CRYBG3: variants seen among roughly 807,000 people sequenced by gnomAD.
CRYBG3 encodes crystallin beta-gamma domain containing 3, also known as very large A-kinase anchor protein.
CRYBG3 carries 127 observed loss-of-function variants against 244.2 expected under a neutral mutation model. The ratio of observed to expected loss-of-function variants is 0.52; its 90% confidence interval spans 0.45 to 0.60. The LOEUF (loss-of-function observed/expected upper bound fraction) is 0.60, where lower values mean the gene tolerates loss of function less well. Ranked by LOEUF, CRYBG3 falls within the 20% of genes least tolerant of loss-of-function variation. CRYBG3 has a pLI of 0.00. For synonymous variants in CRYBG3, 1,132 were observed against 1,195.8 expected (o/e 0.95, Z 1.10); for missense variants, 3,325 against 3,442.5 (o/e 0.97, Z 0.85).
rs759481469 is a variant in CRYBG3 at position 97,892,879 on chromosome 3, C to G, written c.7460C>G (p.Pro2487Arg). Residue 2487 changes from proline to arginine, a missense_variant, in exon 11 of 22, where the codon CCT becomes CGT. Transcript: ENST00000389622. ...MNLKVIIYEKPHFHGQAKEFS... is the reference protein window; with the variant it reads ...MNLKVIIYEKRHFHGQAKEFS... ...TTTCAGGTTATTATTTATGAAAAAC[C>G]TCACTTCCATGGACAGGCTAAAGAG... 6.7e-7 allele frequency: 1 copy of G among 1,500,728 alleles called. No individual in the cohort carries two copies. The highest frequency in any genetic ancestry group is 1.4e-5 in the African/African-American group (1 of 69,962). 93.0% of individuals were successfully genotyped at this position (1,500,728 alleles called of 1,614,324 possible). A position where few individuals can be genotyped will look rare whatever the true frequency, so the allele number is the denominator to read the frequency against.
At chr3:97,853,484 AT>A (rs1050049656) in intron 2 of CRYBG3, among the ~76,000 whole-genome samples, 2 of 151,564 alleles carry the variant, frequency 1.3e-5, no homozygotes, top group African/African-American at 2.4e-5. Context: ...CTGGTTCCAT[AT>A]TTTTGCAATT....
intron 1 of CRYBG3, among the ~76,000 whole-genome samples, chr3:97,832,399 C>T (rs1035969488): frequency 2.0e-5 from 3 of 152,032 alleles, no homozygotes; most frequent in Non-Finnish European, 4.4e-5. Context: ...GAACAGAGGC[C>T]TCATAAATAA....
intron 8 of CRYBG3, among the ~76,000 whole-genome samples, chr3:97,887,245 C>T (rs17301987): frequency 0.44 from 67,441 of 151,988 alleles, 16,182 homozygotes; most frequent in East Asian, 0.67. Context: ...TACTAGGCCT[C>T]TCTGGTTCTA....
intron 15 of CRYBG3, among the ~76,000 whole-genome samples, chr3:97,907,330 C>G (rs2039788910): frequency 6.6e-6 from 1 of 152,084 alleles, no homozygotes. Context: ...GGTACCAGTT[C>G]CTCCTTGTAC....
At chr3:97,826,483 C>A (rs1281764365) in intron 1 of CRYBG3, among the ~76,000 whole-genome samples, 2 of 152,068 alleles carry the variant, frequency 1.3e-5, no homozygotes, top group Non-Finnish European at 1.5e-5. Context: ...AAAATATTCC[C>A]TCAAGACAAA....
At chr3:97,922,187 T>C (rs1266563689) in intron 17 of CRYBG3, among the ~76,000 whole-genome samples, 1 of 152,076 alleles carries the variant, frequency 6.6e-6, no homozygotes, top group Non-Finnish European at 1.5e-5. Context: ...AAAAATTAAT[T>C]CAAGATGGAT....
intron 1 of CRYBG3, among the ~76,000 whole-genome samples, chr3:97,823,667 G>A (rs1331632679): frequency 6.6e-6 from 1 of 152,176 alleles, no homozygotes; most frequent in East Asian, 1.9e-4. Flanking sequence ...TGTTGGTGTG[G>A]GCAGACAGCC....
At chr3:97,851,112 G>A in intron 2 of CRYBG3, among the ~76,000 whole-genome samples, 1 of 141,472 alleles carries the variant, frequency 7.1e-6, no homozygotes. Flanking sequence ...CAGCCTGGGT[G>A]ACAGAGCGAG....
At chr3:97,882,412 G>A (rs2039459248) in intron 7 of CRYBG3, among the ~76,000 whole-genome samples, 1 of 151,846 alleles carries the variant, frequency 6.6e-6, no homozygotes, top group Admixed American at 6.6e-5. Flanking sequence ...AAATAAGGGA[G>A]GATTGGAATA....
chr3:97,862,025 T>G (rs910045548), intron 2 of CRYBG3, among the ~76,000 whole-genome samples: 1 of 152,244 alleles, frequency 6.6e-6, no homozygotes. Context: ...AAAAATACTC[T>G]TTAGTAAACT....
At chr3:97,846,013 C>CTG (rs2038895840) in intron 2 of CRYBG3, among the ~76,000 whole-genome samples, 1 of 152,182 alleles carries the variant, frequency 6.6e-6, no homozygotes, top group South Asian at 2.1e-4. Context: ...AAGCCTGGTA[C>CTG]TGTGTCTGGC....
intron 17 of CRYBG3, among the ~76,000 whole-genome samples, chr3:97,931,886 A>C (rs1347123961): frequency 6.6e-6 from 1 of 151,986 alleles, no homozygotes; most frequent in Non-Finnish European, 1.5e-5. Flanking sequence ...ACCAGTACTG[A>C]TGCCGTTACT....
chr3:97,879,701 C>T lies in CRYBG3; in HGVS notation c.6844-3C>T. The T allele has an allele frequency of 1.3e-6, 2 of 1,595,864 alleles. No homozygotes were observed. The highest frequency in any genetic ancestry group is 2.3e-5 in the South Asian group (2 of 86,964). Reference sequence around the variant, plus strand: ...GCTTACTTTTCCACTTTTATTATTTCAGAATGTTGACAAACAAACTCTGAG... The same window carrying T: ...GCTTACTTTTCCACTTTTATTATTTTAGAATGTTGACAAACAAACTCTGAG... On this transcript the variant is annotated splice_polypyrimidine_tract_variant and splice_region_variant and intron_variant, in intron 4 of 21. Coordinates refer to ENST00000389622, the MANE Select transcript of CRYBG3 (RefSeq NM_153605.4).
In CRYBG3 at chr3:97,822,177, A is replaced by T. The variant is rs749010548; in HGVS notation, c.-30A>T. The T allele has an allele frequency of 2.3e-5, 34 of 1,494,422 alleles. 1 individual carries two copies. The South Asian group carries it at 4.4e-4, about 19-fold the overall frequency. 92.6% of individuals were successfully genotyped at this position (1,494,422 alleles called of 1,614,324 possible). A position where few individuals can be genotyped will look rare whatever the true frequency, so the allele number is the denominator to read the frequency against. ...GCAACACCTAGGCCGTTCCCTTCAG[A>T]CAGCCCCGGGCCAGCGGCCCCCTCG... On this transcript the variant is annotated 5_prime_UTR_variant, in exon 1 of 22. Transcript: ENST00000389622.
At chr3:97,930,897 C>A (rs1188940019) in intron 17 of CRYBG3, among the ~76,000 whole-genome samples, 1 of 151,978 alleles carries the variant, frequency 6.6e-6, no homozygotes, top group Non-Finnish European at 1.5e-5. Context: ...TCTGGGCATC[C>A]TTTTTATCTT....
chr3:97,906,800 G>C (rs1311716116), intron 15 of CRYBG3, among the ~76,000 whole-genome samples: 1 of 152,126 alleles, frequency 6.6e-6, no homozygotes, highest in East Asian at 1.9e-4. Context: ...GGAGTGGTGA[G>C]AGAGGGCATC....
At chr3:97,931,061 C>T (rs1162755051) in intron 17 of CRYBG3, among the ~76,000 whole-genome samples, 1 of 152,032 alleles carries the variant, frequency 6.6e-6, no homozygotes, top group Non-Finnish European at 1.5e-5. Context: ...TAACGCCTTC[C>T]ACAAAGCATG....
intron 15 of CRYBG3, among the ~76,000 whole-genome samples, chr3:97,907,045 C>T (rs1026775764): frequency 6.6e-6 from 1 of 151,948 alleles, no homozygotes; most frequent in Non-Finnish European, 1.5e-5. Flanking sequence ...TGCTGGATTA[C>T]ATTTATTGAT....
At chr3:97,829,069 T>C (rs2038618659) in intron 1 of CRYBG3, among the ~76,000 whole-genome samples, 1 of 151,442 alleles carries the variant, frequency 6.6e-6, no homozygotes, top group South Asian at 2.1e-4. Context: ...ACCTATTTCA[T>C]AAAGTAAGAA....
Sources: gnomAD v4.1 joint callset for allele counts (sites outside exome capture counted in the v4.1 genomes callset) on GRCh38, gnomAD v4.1.1 for gene constraint, MANE v1.5 for transcripts, NCBI Gene and HGNC (gene_info 2026-07-23, HGNC 2026-07-21) for gene names.